Variants in RYR2 observed in about 807,000 individuals in gnomAD.
RYR2 encodes ryanodine receptor 2.
RYR2 carries 227 observed loss-of-function variants against 601.1 expected under a neutral mutation model. That is an observed-to-expected ratio of 0.38 (90% CI 0.34 to 0.42). The LOEUF (loss-of-function observed/expected upper bound fraction) is 0.42. Ranked by LOEUF, RYR2 falls within the 10% of genes least tolerant of loss-of-function variation. The probability of loss-of-function intolerance (pLI) is 1.00; values close to 1 mark genes in which losing one functional copy is unlikely to be tolerated. For synonymous variants in RYR2, 2,223 were observed against 2,175.1 expected, an observed-to-expected ratio of 1.02 and a Z score of -0.61; for missense variants, 4,646 against 6,156.5, an observed-to-expected ratio of 0.75 and a Z score of 8.21.
intron 58 of RYR2, among the ~76,000 whole-genome samples, chr1:237,670,157 C>T (rs1043661807): frequency 6.6e-5 from 10 of 151,814 alleles, no homozygotes; most frequent in Non-Finnish European, 1.0e-4. Flanking sequence ...GGCGTGGCGG[C>T]GCGCGCCTGC....
intron 17 of RYR2, among the ~76,000 whole-genome samples, chr1:237,484,907 G>C: frequency 6.6e-6 from 1 of 150,984 alleles, no homozygotes; most frequent in East Asian, 1.9e-4. Context: ...CATCCTTGGA[G>C]ATTTTCCTTT....
At chr1:237,539,637 C>A (rs1207531082) in intron 25 of RYR2, among the ~76,000 whole-genome samples, 1 of 152,052 alleles carries the variant, frequency 6.6e-6, no homozygotes, top group Non-Finnish European at 1.5e-5. Flanking sequence ...GGGAGCTCAA[C>A]AATGAGAACA....
At chr1:237,467,661 C>T (rs1660233116) in intron 16 of RYR2, among the ~76,000 whole-genome samples, 1 of 152,098 alleles carries the variant, frequency 6.6e-6, no homozygotes, top group Non-Finnish European at 1.5e-5. Flanking sequence ...CTGTGTGTTT[C>T]TTTTCTTACT....
At chr1:237,542,303 G>A (rs1280344882) in intron 25 of RYR2, among the ~76,000 whole-genome samples, 1 of 152,014 alleles carries the variant, frequency 6.6e-6, no homozygotes, top group East Asian at 1.9e-4. Flanking sequence ...ATGTTGGTCA[G>A]GCTGGTCTCA....
chr1:237,156,617 A>T (rs922585912), intron 1 of RYR2, among the ~76,000 whole-genome samples: 2 of 152,218 alleles, frequency 1.3e-5, no homozygotes, highest in Admixed American at 1.3e-4. Flanking sequence ...GGATGGGACC[A>T]TATTTGTAGT....
chr1:237,563,824 A>G (rs1034917716), intron 27 of RYR2, among the ~76,000 whole-genome samples: 4 of 152,186 alleles, frequency 2.6e-5, no homozygotes, highest in East Asian at 1.9e-4. Flanking sequence ...TGAGTGCACT[A>G]TACATATTTG....
chr1:237,274,691 T>A (rs1690081184), intron 2 of RYR2, among the ~76,000 whole-genome samples: 1 of 152,176 alleles, frequency 6.6e-6, no homozygotes, highest in African/African-American at 2.4e-5. Flanking sequence ...CACCACTCAC[T>A]CACTGACTCA....
At position 237,687,479 on chromosome 1, in the gene RYR2, T is replaced by A. The variant is rs1355662932; in HGVS notation, c.9042T>A (p.Leu3014=). The change falls in exon 63 of 105, where the codon CTT becomes CTA. Residue 3014 remains leucine, a synonymous_variant. Transcript: ENST00000366574. Reference sequence around the variant, plus strand: ...GCCTATTCTGCAAACTTGGAGTTCTTGTCAGGCATAGGATTTCACTATTTG... The same window carrying A: ...GCCTATTCTGCAAACTTGGAGTTCTAGTCAGGCATAGGATTTCACTATTTG... ...VTSLFCKLGV[L]VRHRISLFGN... is the part of the protein sequence containing the mutation. 3 of 1,608,478 alleles carry A rather than the reference T, an allele frequency of 1.9e-6. No homozygotes were observed. Among genetic ancestry groups the A allele is most frequent in the Non-Finnish European group, 2.6e-6 (3 of 1,176,160 alleles).
At chr1:237,073,275 C>T (rs59202334) in intron 1 of RYR2, among the ~76,000 whole-genome samples, 21,730 of 152,062 alleles carry the variant, frequency 0.14, 1,633 homozygotes, top group Middle Eastern at 0.2. Context: ...CTCGAGCAGA[C>T]AAGGAAGATC....
At chr1:237,668,821 T>C (rs1416513039) in intron 58 of RYR2, among the ~76,000 whole-genome samples, 2 of 152,178 alleles carry the variant, frequency 1.3e-5, no homozygotes, top group African/African-American at 2.4e-5. Flanking sequence ...GGAAACAGAG[T>C]AACACAAATT....
In RYR2 at chr1:237,456,593, G is replaced by A. The variant is rs763127313; in HGVS notation, c.1477-7G>A. The A allele has an allele frequency of 2.7e-5, 39 of 1,447,554 alleles. No homozygotes were observed. The highest frequency in any genetic ancestry group is 2.2e-4 in the South Asian group (14 of 64,566). 89.7% of individuals were successfully genotyped at this position (1,447,554 alleles called of 1,614,324 possible). On this transcript the variant is annotated splice_region_variant and splice_polypyrimidine_tract_variant and intron_variant, in intron 15 of 104. Coordinates refer to ENST00000366574, the MANE Select transcript of RYR2 (RefSeq NM_001035.3). ...GATTGTGATTTTTTTTTTTTTTAACGTTCCAGGGAATGATCAACCTCGTGC... is the reference window on the plus strand; with the variant it reads ...GATTGTGATTTTTTTTTTTTTTAACATTCCAGGGAATGATCAACCTCGTGC...
intron 1 of RYR2, among the ~76,000 whole-genome samples, chr1:237,129,843 A>T (rs1454860427): frequency 2.0e-5 from 3 of 152,150 alleles, no homozygotes. Context: ...CATCTGAAGA[A>T]AAGTGCCACA....
intron 38 of RYR2, among the ~76,000 whole-genome samples, chr1:237,620,621 T>TA (rs1678974621): frequency 6.6e-6 from 1 of 152,016 alleles, no homozygotes; most frequent in African/African-American, 2.4e-5. Context: ...TATGTATTAT[T>TA]AAAATATTAA....
intron 71 of RYR2, among the ~76,000 whole-genome samples, chr1:237,714,873 A>T (rs1689128352): frequency 6.6e-6 from 1 of 151,802 alleles, no homozygotes; most frequent in African/African-American, 2.4e-5. Context: ...GGGTGCCTCT[A>T]ATCCCAGCTA....
chr1:237,207,276 G>GT (rs1243676333), intron 1 of RYR2, among the ~76,000 whole-genome samples: 2 of 152,136 alleles, frequency 1.3e-5, no homozygotes, highest in Non-Finnish European at 2.9e-5. Flanking sequence ...TTAAAAAAAA[G>GT]TCTTCATGGC....
chr1:237,182,545 T>A (rs1454960701), intron 1 of RYR2, among the ~76,000 whole-genome samples: 1 of 152,220 alleles, frequency 6.6e-6, no homozygotes, highest in African/African-American at 2.4e-5. Flanking sequence ...ATGAATATAT[T>A]GTTAAACAAT....
Position 237,623,840 on chromosome 1 carries a change from G to A in RYR2, c.5992G>A (p.Asp1998Asn). Residue 1998 changes from aspartate (D) to asparagine (N), a missense_variant, in exon 39 of 105, where the codon GAT (aspartate) becomes AAT (asparagine). Asp to Asn is a conservative substitution (Grantham distance 23). Around this residue, in one of 17 missense-constraint regions of RYR2, gnomAD observed 170 missense variants for 184.5 expected, o/e 0.92. Transcript: ENST00000366574. Reference sequence around the variant, plus strand: ...AGAAGAAATTCGTGACCAACTATTGGATTTCCATGAAGATTTGATGACACA... The same window carrying A: ...AGAAGAAATTCGTGACCAACTATTGAATTTCCATGAAGATTTGATGACACA... The part of the protein sequence containing the change: ...CPEEIRDQLL[D>N]FHEDLMTHCG... 6.2e-7 allele frequency: 1 copy of A among 1,612,356 alleles called. No individual in the cohort carries two copies. The highest frequency in any genetic ancestry group is 8.5e-7 in the Non-Finnish European group (1 of 1,178,516).
At position 237,117,484 on chromosome 1, in the gene RYR2, A is replaced by G. The variant is rs185160283; in HGVS notation, c.48+74915A>G. ...TTTTTCTCTTTGATTGTCTGCCTCA[A>G]TTGGGTATTTCTGGATTCCTGAAAT... On this transcript the variant is annotated intron_variant, in intron 1 of 104. Transcript: ENST00000366574. Among the ~76,000 whole-genome samples the G allele has an allele frequency of 2.2e-4, 34 of 152,290 alleles. No homozygotes were observed. In the East Asian group the frequency reaches 2.3e-3, roughly 10 times the overall value.
At chr1:237,734,303 G>A (rs1690945107) in intron 79 of RYR2, among the ~76,000 whole-genome samples, 2 of 152,162 alleles carry the variant, frequency 1.3e-5, no homozygotes, top group African/African-American at 4.8e-5. Flanking sequence ...AAGAGAGAGA[G>A]AGAATGGAGT....
Sources: allele counts gnomAD v4.1 joint callset (sites outside exome capture counted in the v4.1 genomes callset), GRCh38; gene constraint gnomAD v4.1.1; regional missense constraint gnomAD v4.1.1; transcripts MANE v1.5; gene names NCBI Gene and HGNC (gene_info 2026-07-23, HGNC 2026-07-21).